Variants in NRG1 observed in about 807,000 individuals in gnomAD.
NRG1 encodes neuregulin 1.
Under a neutral mutation model 63.8 loss-of-function variants are expected in NRG1, and 18 were observed. The ratio of observed to expected loss-of-function variants is 0.28; its 90% confidence interval spans 0.19 to 0.42. NRG1 has a LOEUF of 0.42. Among genes scored for constraint, NRG1 ranks in the 10% least tolerant of loss-of-function variants. The probability of loss-of-function intolerance (pLI) is 1.00; values close to 1 mark genes in which losing one functional copy is unlikely to be tolerated. For synonymous variants in NRG1, 302 were observed against 301.3 expected (o/e 1.00, Z -0.02); for missense variants, 762 against 814.7 (o/e 0.94, Z 0.79).
intron 1 of NRG1, among the ~76,000 whole-genome samples, chr8:31,775,146 A>G (rs1458154075): frequency 1.3e-5 from 2 of 152,242 alleles, no homozygotes; most frequent in Non-Finnish European, 2.9e-5. Flanking sequence ...CTGTACTCAT[A>G]TATTTATCAC....
At chr8:31,919,514 AT>A (rs1163396463) in intron 1 of NRG1, among the ~76,000 whole-genome samples, 1 of 152,004 alleles carries the variant, frequency 6.6e-6, no homozygotes, top group African/African-American at 2.4e-5. Context: ...AATAGTGACA[AT>A]TTACATATTT....
At chr8:32,393,408 G>A (rs1474442869) in intron 1 of NRG1, among the ~76,000 whole-genome samples, 1 of 152,082 alleles carries the variant, frequency 6.6e-6, no homozygotes, top group Non-Finnish European at 1.5e-5. Flanking sequence ...GAATATAACT[G>A]TTCTACCATA....
intron 1 of NRG1, among the ~76,000 whole-genome samples, chr8:32,087,348 C>G (rs1175207692): frequency 6.6e-6 from 1 of 152,058 alleles, no homozygotes; most frequent in Non-Finnish European, 1.5e-5. Flanking sequence ...TTGCCTTCCA[C>G]CATGATTATG....
chr8:32,537,327 C>G (rs1017022461), intron 1 of NRG1, among the ~76,000 whole-genome samples: 2 of 151,922 alleles, frequency 1.3e-5, no homozygotes, highest in Admixed American at 1.3e-4. Flanking sequence ...TCATTGTCTT[C>G]CATCCTACAG....
chr8:31,898,012 T>C (rs776377), intron 1 of NRG1, among the ~76,000 whole-genome samples: 95,481 of 132,018 alleles, frequency 0.72, 32,633 homozygotes, highest in East Asian at 0.92. Context: ...AGTGAAATTC[T>C]ATCTCAAAAA....
chr8:31,641,544 C>T (rs1399786669), intron 1 of NRG1, among the ~76,000 whole-genome samples: 1 of 152,120 alleles, frequency 6.6e-6, no homozygotes, highest in African/African-American at 2.4e-5. Context: ...CCCGGGTCTG[C>T]TTCATATGAT....
intron 1 of NRG1, among the ~76,000 whole-genome samples, chr8:32,482,178 CGTT>C (rs1825369451): frequency 6.6e-6 from 1 of 151,796 alleles, no homozygotes; most frequent in Non-Finnish European, 1.5e-5. Context: ...TATGCATAAT[CGTT>C]GTTGTGCTGG....
At chr8:31,925,191 T>C (rs991654130) in intron 1 of NRG1, among the ~76,000 whole-genome samples, 38 of 151,132 alleles carry the variant, frequency 2.5e-4, no homozygotes, top group Non-Finnish European at 4.3e-4. Context: ...ACTTGTTTCC[T>C]CAGCTACTGG....
At chr8:31,645,891 C>A (rs976084257) in intron 1 of NRG1, among the ~76,000 whole-genome samples, 2 of 152,060 alleles carry the variant, frequency 1.3e-5, no homozygotes, top group African/African-American at 4.8e-5. Flanking sequence ...TGTGTTTTTT[C>A]TTTTCTTCTT....
chr8:32,140,259 A>ATT (rs1020196261), intron 1 of NRG1, among the ~76,000 whole-genome samples: 1 of 150,254 alleles, frequency 6.7e-6, no homozygotes, highest in Non-Finnish European at 1.5e-5. Flanking sequence ...GTGGTGTATC[A>ATT]TTTTTTTTTA....
At chr8:31,932,134 G>C (rs16878484) in intron 1 of NRG1, among the ~76,000 whole-genome samples, 1,568 of 147,628 alleles carry the variant, frequency 0.011, 25 homozygotes, top group African/African-American at 0.037. Context: ...GAAGGTTTTT[G>C]GTAACTAATT....
rs539454393 is a variant in NRG1, at chr8:32,605,421, A to G, written c.279-141A>G. 16 of 870,626 alleles carry G rather than the reference A, an allele frequency of 1.8e-5. No homozygotes were observed. In the Admixed American group the frequency reaches 2.2e-4, roughly 12 times the overall value. The allele number at this position is 870,626 out of a possible 1,614,324, so 53.9% of individuals were successfully genotyped here. ...TAGGTAAAATCATGAGGTCAGATCA[A>G]TGTAACGGAAGTTGTATTTTAACAT... is the stretch of plus-strand genomic sequence containing the variant. On this transcript the variant is annotated intron_variant, in intron 2 of 11. Coordinates refer to ENST00000356819, the Ensembl canonical transcript of NRG1.
At chr8:32,446,885 G>C (rs183190894) in intron 1 of NRG1, among the ~76,000 whole-genome samples, 1 of 152,040 alleles carries the variant, frequency 6.6e-6, no homozygotes, top group Non-Finnish European at 1.5e-5. Context: ...CAGGAAGGAA[G>C]GTCAGACAAT....
chr8:31,911,933 C>A (rs1832976540), intron 1 of NRG1, among the ~76,000 whole-genome samples: 1 of 152,180 alleles, frequency 6.6e-6, no homozygotes, highest in African/African-American at 2.4e-5. Context: ...AACTAAGAAT[C>A]AGAGACTTGG....
At chr8:31,911,009 CTTACTT>C (rs1203559398) in intron 1 of NRG1, among the ~76,000 whole-genome samples, 3 of 152,138 alleles carry the variant, frequency 2.0e-5, no homozygotes, top group African/African-American at 7.2e-5. Flanking sequence ...TCCGATTTGT[CTTACTT>C]TACTTCATTG....
At chr8:32,019,373 C>T (rs560158701) in intron 1 of NRG1, among the ~76,000 whole-genome samples, 4 of 152,336 alleles carry the variant, frequency 2.6e-5, no homozygotes, top group South Asian at 4.1e-4. Flanking sequence ...GCAGGGATTA[C>T]AGGCATGAGC....
intron 1 of NRG1, among the ~76,000 whole-genome samples, chr8:32,083,574 A>G (rs1827801625): frequency 6.6e-6 from 1 of 152,184 alleles, no homozygotes; most frequent in African/African-American, 2.4e-5. Context: ...TTCAATTCCC[A>G]GGATTCCAGC....
At chr8:31,736,129 C>G (rs1312990750) in intron 1 of NRG1, among the ~76,000 whole-genome samples, 1 of 152,132 alleles carries the variant, frequency 6.6e-6, no homozygotes, top group African/African-American at 2.4e-5. Context: ...ATCATCTGGT[C>G]TATTAATGCC....
chr8:31,833,680 A>G (rs1171135629), intron 1 of NRG1, among the ~76,000 whole-genome samples: 2 of 152,164 alleles, frequency 1.3e-5, no homozygotes, highest in East Asian at 3.9e-4. Context: ...GAATTGCTTA[A>G]TGTCTGTTCT....
Sources: allele counts gnomAD v4.1 joint callset (sites outside exome capture counted in the v4.1 genomes callset), GRCh38; gene constraint gnomAD v4.1.1; transcripts MANE v1.5; gene names NCBI Gene and HGNC (gene_info 2026-07-23, HGNC 2026-07-21).